FBLN2: variants seen among roughly 807,000 people sequenced by gnomAD.
FBLN2 encodes fibulin 2.
FBLN2 carries 81 observed loss-of-function variants against 123.7 expected under a neutral mutation model. The ratio of observed to expected loss-of-function variants is 0.65; its 90% CI spans 0.55 to 0.79. The LOEUF (loss-of-function observed/expected upper bound fraction) is 0.79. Ranked by LOEUF, FBLN2 falls within the 30% of genes least tolerant of loss-of-function variation. The pLI, the probability that FBLN2 is intolerant of heterozygous loss-of-function variation, is 0.00. For missense variants in FBLN2, 1,603 were observed against 1,681.3 expected (o/e 0.95, Z 0.81); for synonymous variants, 699 against 701.4 (o/e 1.00, Z 0.05).
intron 10 of FBLN2, 32 bp from the exon 11 acceptor site, chr3:13,627,800 C>T (rs1401520254): frequency 6.3e-7 from 1 of 1,599,042 alleles, no homozygotes; most frequent in Non-Finnish European, 8.5e-7. Flanking sequence ...GACCTGCCCC[C>T]CAGCCCTTGA....
In FBLN2 at chr3:13,594,361, C is replaced by G. The variant is rs1230487220; in HGVS notation, c.1307-13701C>G. Among the ~76,000 whole-genome samples the G allele has an allele frequency of 2.0e-5, 3 of 151,856 alleles. No individual in the cohort carries two copies. The East Asian group carries it at 5.8e-4, about 29-fold the overall frequency. On this transcript the variant is annotated intron_variant, in intron 2 of 17. Transcript: ENST00000404922. The stretch of plus-strand genomic sequence containing the variant: ...CTTCTCTCTGGATGGAGCAGAGGTC[C>G]CTGCTGTGATGGGCTTCTTTCTGGG...
At chr3:13,636,414 G>A (rs1223535651) in intron 16 of FBLN2, 31 bp from the exon 17 acceptor site, 1 of 1,610,854 alleles carries the variant, frequency 6.2e-7, no homozygotes, top group Non-Finnish European at 8.5e-7. Flanking sequence ...CCAGCTGTGG[G>A]GACCCTGCCA....
intron 2 of FBLN2, among the ~76,000 whole-genome samples, chr3:13,574,403 C>T (rs568468063): frequency 3.9e-5 from 6 of 152,340 alleles, no homozygotes; most frequent in East Asian, 1.9e-4. Context: ...GCCAGCCCTG[C>T]GGGAAAAGCC....
Position 13,621,717 on chromosome 3 carries a change from G to A in FBLN2, c.2156-58G>A, listed in dbSNP as rs956943359. ...TCATTCTCCTGTCACTGGATGCTCC[G>A]TGGCAGCCCATGTCCCTCTAACAGT... is the stretch of plus-strand genomic sequence containing the variant. On this transcript the variant is annotated intron_variant, in intron 8 of 17. Transcript: ENST00000404922. 2.2e-5 allele frequency: 35 copies of A among 1,591,992 alleles called. No homozygotes were observed. In the Admixed American group the frequency reaches 2.5e-4, roughly 12 times the overall value.
chr3:13,635,999 T>C (rs1706450798), intron 16 of FBLN2, among the ~76,000 whole-genome samples: 1 of 151,454 alleles, frequency 6.6e-6, no homozygotes, highest in South Asian at 2.1e-4. Flanking sequence ...GATCTGAGAG[T>C]TAAAAGATGA....
At chr3:13,628,842 G>A in intron 11 of FBLN2, 63 bp from the exon 12 acceptor site, 1 of 1,576,804 alleles carries the variant, frequency 6.3e-7, no homozygotes, top group Admixed American at 1.8e-5. Flanking sequence ...GTGGCCCTGG[G>A]AGGGGCTGGG....
intron 16 of FBLN2, among the ~76,000 whole-genome samples, chr3:13,633,954 A>AACACACACCCACACAC (rs1706355197): frequency 8.9e-6 from 1 of 112,830 alleles, no homozygotes; most frequent in Non-Finnish European, 1.8e-5. Context: ...ACACACTGCA[A>AACACACACCCACACAC]ACACACACAC....
chr3:13,628,059 G>C, intron 11 of FBLN2, 90 bp downstream of exon 11: 1 of 1,474,996 alleles, frequency 6.8e-7, no homozygotes. Flanking sequence ...GACCAGGGAG[G>C]CCTGGCTTGC....
chr3:13,609,503 T>C lies in FBLN2; in HGVS notation c.1419-10T>C, dbSNP rs763404791. 7 of 1,535,788 alleles carry C rather than the reference T, an allele frequency of 4.6e-6. No homozygotes were observed. Among genetic ancestry groups the C allele is most frequent in the Non-Finnish European group, 6.1e-6 (7 of 1,140,126 alleles). On this transcript the variant is annotated splice_polypyrimidine_tract_variant and intron_variant, in intron 3 of 17. Coordinates refer to ENST00000404922, the MANE Select transcript of FBLN2 (RefSeq NM_001004019.2). ...GGCGACTGGGGGCTAAGTTACCCCC[T>C]CTGTTTCAGGACAGCCCAGAGGCAC... is the stretch of plus-strand genomic sequence containing the variant.
chr3:13,619,528 C>T (rs1020835588), intron 7 of FBLN2, among the ~76,000 whole-genome samples: 3 of 152,250 alleles, frequency 2.0e-5, no homozygotes, highest in Admixed American at 6.5e-5. Context: ...TCGTCCCCGA[C>T]GCCAGACGGT....
At chr3:13,596,209 C>T (rs1243283084) in intron 2 of FBLN2, among the ~76,000 whole-genome samples, 1 of 152,212 alleles carries the variant, frequency 6.6e-6, no homozygotes, top group African/African-American at 2.4e-5. Context: ...GTGATCACTG[C>T]TCCCTGCAGC....
At chr3:13,609,420 T>G (rs1284354021) in intron 3 of FBLN2, 93 bp from the exon 4 acceptor site, 1 of 1,400,290 alleles carries the variant, frequency 7.1e-7, no homozygotes, top group East Asian at 2.6e-5. Context: ...CTGTGGACCT[T>G]GGGCAGAGCT....
chr3:13,564,260 T>C (rs1023966306), intron 1 of FBLN2, among the ~76,000 whole-genome samples: 3 of 152,120 alleles, frequency 2.0e-5, no homozygotes, highest in African/African-American at 7.2e-5. Context: ...GTACTGATTA[T>C]GGGTTTCTTT....
intron 2 of FBLN2, among the ~76,000 whole-genome samples, chr3:13,586,081 C>T (rs903447679): frequency 1.7e-4 from 26 of 152,180 alleles, no homozygotes; most frequent in Non-Finnish European, 3.4e-4. Flanking sequence ...CCCCTTAAGA[C>T]GTCCCAGCGG....
intron 17 of FBLN2, 46 bp from the exon 18 acceptor site, chr3:13,637,509 GGGGATGA>G (rs1461547424): frequency 6.7e-7 from 1 of 1,482,928 alleles, no homozygotes. Context: ...GTCCCCGTCT[GGGGATGA>G]GGGGGGTGGG....
chr3:13,568,946 G>A lies in FBLN2; in HGVS notation c.-41-1369G>A, dbSNP rs1703831998. The A allele has an allele frequency of 5.1e-6, 5 of 985,532 alleles. No individual in the cohort carries two copies. In the African/African-American group the frequency reaches 7.0e-5, roughly 14 times the overall value. 61.0% of individuals were successfully genotyped at this position (985,532 alleles called of 1,614,324 possible). A position where few individuals can be genotyped will look rare whatever the true frequency, so the allele number is the denominator to read the frequency against. On this transcript the variant is annotated intron_variant, in intron 1 of 17. Coordinates refer to ENST00000404922, the MANE Select transcript of FBLN2 (RefSeq NM_001004019.2). ...AGGCGTTCCTTTAGAAATGGGGCAG[G>A]CTTGGGGACCACTGCTGTGGTAACG...
intron 2 of FBLN2, among the ~76,000 whole-genome samples, chr3:13,607,592 G>T (rs986012886): frequency 2.0e-5 from 3 of 152,278 alleles, no homozygotes; most frequent in Non-Finnish European, 4.4e-5. Flanking sequence ...TGCTGTTTTC[G>T]TATCTCTTGC....
intron 4 of FBLN2, among the ~76,000 whole-genome samples, chr3:13,612,421 C>T (rs1172502765): frequency 6.6e-6 from 1 of 151,336 alleles, no homozygotes; most frequent in Non-Finnish European, 1.5e-5. Flanking sequence ...CGCTCTGTCA[C>T]CCAGGCTGGA....
chr3:13,592,289 G>A (rs553957335), intron 2 of FBLN2, among the ~76,000 whole-genome samples: 6 of 151,818 alleles, frequency 4.0e-5, no homozygotes, highest in South Asian at 4.2e-4. Context: ...GCCTCCCAAT[G>A]TGCTGAGATT....
Sources: allele counts gnomAD v4.1 joint callset (sites outside exome capture counted in the v4.1 genomes callset), GRCh38; gene constraint gnomAD v4.1.1; transcripts MANE v1.5; gene names NCBI Gene and HGNC (gene_info 2026-07-23, HGNC 2026-07-21).